TMEM232: variants seen among roughly 807,000 people sequenced by gnomAD.
TMEM232 encodes the protein transmembrane protein 232.
In TMEM232, 80 loss-of-function variants were observed where a neutral mutation model predicts 78.8. The observed-to-expected ratio is 1.01, with a 90% confidence interval of 0.85 to 1.22. The LOEUF (loss-of-function observed/expected upper bound fraction) is 1.22, where lower values mean the gene tolerates loss of function less well. Ranked by LOEUF, TMEM232 falls within the 50% of genes most tolerant of loss-of-function variation. The probability of loss-of-function intolerance (pLI) is 0.00; values close to 1 mark genes in which losing one functional copy is unlikely to be tolerated. For synonymous variants in TMEM232, 297 were observed against 254.3 expected, an observed-to-expected ratio of 1.17 and a Z score of -1.60; for missense variants, 881 against 742.2, an observed-to-expected ratio of 1.19 and a Z score of -2.17.
At chr5:110,625,770 T>C (rs567924880) in intron 6 of TMEM232, among the ~76,000 whole-genome samples, 13 of 150,712 alleles carry the variant, frequency 8.6e-5, no homozygotes, top group African/African-American at 3.2e-4. Context: ...AATGGATACT[T>C]TGACATTGTA....
chr5:110,730,497 T>C (rs555326955), upstream of TMEM232, among the ~76,000 whole-genome samples: 1 of 152,226 alleles, frequency 6.6e-6, no homozygotes, highest in Non-Finnish European at 1.5e-5. Context: ...GTTTTCATGC[T>C]GCTGATAAGT....
At chr5:110,649,837 T>C (rs1394999953) in intron 2 of TMEM232, among the ~76,000 whole-genome samples, 1 of 152,126 alleles carries the variant, frequency 6.6e-6, no homozygotes, top group Non-Finnish European at 1.5e-5. Context: ...TATGGCAATA[T>C]AGTTATAGTG....
At chr5:110,444,454 G>C (rs1391893986) in intron 12 of TMEM232, among the ~76,000 whole-genome samples, 3 of 152,194 alleles carry the variant, frequency 2.0e-5, no homozygotes, top group Non-Finnish European at 4.4e-5. Flanking sequence ...GGGAAGGGAT[G>C]CTGTCAGCAA....
At position 110,609,553 on chromosome 5, in the gene TMEM232, C is replaced by T. The variant is rs373279563; in HGVS notation, c.903-3266G>A. 5.3e-5 allele frequency among the ~76,000 whole-genome samples: 8 copies of T among 151,638 alleles called. No individual in the cohort carries two copies. The East Asian group carries it at 1.6e-3, about 29-fold the overall frequency. ...ATATTTTTTCAGAGATGATAACATCCTGGTAATGAAAAGGGTAGTATACAG... is the reference window on the plus strand; with the variant it reads ...ATATTTTTTCAGAGATGATAACATCTTGGTAATGAAAAGGGTAGTATACAG... On this transcript the variant is annotated intron_variant, in intron 8 of 13. Transcript: ENST00000455884.
At chr5:110,729,169 G>A (rs574815812), upstream of TMEM232, among the ~76,000 whole-genome samples, 1 of 152,276 alleles carries the variant, frequency 6.6e-6, no homozygotes, top group South Asian at 2.1e-4. Context: ...AAAGGCGTGA[G>A]CCACCGTGCC....
intron 12 of TMEM232, among the ~76,000 whole-genome samples, chr5:110,485,556 A>ATGTT (rs1224204004): frequency 6.6e-6 from 1 of 152,094 alleles, no homozygotes; most frequent in East Asian, 1.9e-4. Flanking sequence ...AGAACATACA[A>ATGTT]TGTTTGCTTT....
upstream of TMEM232, chr5:110,726,830 C>T (rs1350094179): frequency 6.6e-6 from 1 of 152,162 alleles, no homozygotes; most frequent in African/African-American, 2.4e-5. Context: ...GTGTGAAAGA[C>T]CTTTATTCGT....
intron 12 of TMEM232, 120 bp from the exon 13 acceptor site, chr5:110,425,036 A>C (rs1757087522): frequency 1.3e-6 from 1 of 788,168 alleles, no homozygotes; most frequent in African/African-American, 1.8e-5. Context: ...TTGTTAACAT[A>C]AAGTATTTGT....
intron 2 of TMEM232, among the ~76,000 whole-genome samples, chr5:110,650,888 T>C (rs1049609577): frequency 6.6e-6 from 1 of 152,122 alleles, no homozygotes; most frequent in East Asian, 1.9e-4. Context: ...ATGTTAGCAA[T>C]AGGAGAAACT....
At chr5:110,434,898 T>C (rs113357376) in intron 12 of TMEM232, among the ~76,000 whole-genome samples, 3 of 152,102 alleles carry the variant, frequency 2.0e-5, no homozygotes, top group African/African-American at 7.2e-5. Flanking sequence ...TTTGATAAAA[T>C]CCAACATCCC....
intron 12 of TMEM232, among the ~76,000 whole-genome samples, chr5:110,476,556 T>C (rs913207714): frequency 6.6e-6 from 1 of 152,064 alleles, no homozygotes; most frequent in Non-Finnish European, 1.5e-5. Context: ...AATATAGAGT[T>C]CATAATAAAA....
chr5:110,732,504 G>C (rs1798777332), intron 2 of TMEM232, among the ~76,000 whole-genome samples: 1 of 152,160 alleles, frequency 6.6e-6, no homozygotes, highest in Non-Finnish European at 1.5e-5. Context: ...GAGGTGAAAG[G>C]CACTTCTTAC....
At chr5:110,700,325 T>G (rs1202894055) in intron 1 of TMEM232, among the ~76,000 whole-genome samples, 3 of 152,072 alleles carry the variant, frequency 2.0e-5, no homozygotes, top group Non-Finnish European at 4.4e-5. Context: ...AATTCAACCT[T>G]TCTTAACAGA....
At chr5:110,524,365 A>C (rs1199273175) in intron 12 of TMEM232, among the ~76,000 whole-genome samples, 3 of 55,696 alleles carry the variant, frequency 5.4e-5, no homozygotes, top group African/African-American at 1.7e-4. Context: ...GAAAGAAAAA[A>C]AGAAAGAAAG....
rs79824331 is a variant in TMEM232 at position 110,665,697 on chromosome 5, A to T, written c.125+1531T>A. Among the ~76,000 whole-genome samples the T allele has an allele frequency of 5.1e-3, 777 of 152,192 alleles. 6 individuals are homozygous for T. Among genetic ancestry groups the T allele is most frequent in the African/African-American group, 0.018 (758 of 41,534 alleles). The stretch of plus-strand genomic sequence containing the variant: ...GATTATAATTCAAGATGATATTTGA[A>T]TGGGGACATATAGCCAACCTGTATC... On this transcript the variant is annotated intron_variant, in intron 2 of 13. Coordinates refer to ENST00000455884, the MANE Select transcript of TMEM232 (RefSeq NM_001039763.4).
intron 8 of TMEM232, among the ~76,000 whole-genome samples, chr5:110,609,572 T>C (rs1781930957): frequency 6.6e-6 from 1 of 151,906 alleles, no homozygotes; most frequent in Non-Finnish European, 1.5e-5. Flanking sequence ...AAAAGGGTAG[T>C]ATACAGTGTC....
chr5:110,551,256 C>T (rs1774421832), intron 11 of TMEM232, among the ~76,000 whole-genome samples: 1 of 152,134 alleles, frequency 6.6e-6, no homozygotes, highest in African/African-American at 2.4e-5. Flanking sequence ...CAGTGTCTCA[C>T]TCTGTTGGCC....
chr5:110,673,887 T>C (rs762223712), intron 1 of TMEM232, among the ~76,000 whole-genome samples: 1 of 152,022 alleles, frequency 6.6e-6, no homozygotes, highest in Non-Finnish European at 1.5e-5. Flanking sequence ...TTATACATTT[T>C]ACTTTTGCTT....
At chr5:110,455,769 G>T (rs892439273) in intron 12 of TMEM232, among the ~76,000 whole-genome samples, 2 of 152,130 alleles carry the variant, frequency 1.3e-5, no homozygotes, top group African/African-American at 4.8e-5. Context: ...AGCAAGTGGG[G>T]TTCATCCCAA....
Sources: gnomAD v4.1 joint callset for allele counts (sites outside exome capture counted in the v4.1 genomes callset) on GRCh38, gnomAD v4.1.1 for gene constraint, MANE v1.5 for transcripts, NCBI Gene and HGNC (gene_info 2026-07-23, HGNC 2026-07-21) for gene names.